STXBP5L: variants seen among roughly 807,000 people sequenced by gnomAD.
The protein encoded by STXBP5L is syntaxin-binding protein 5-like.
In STXBP5L, 65 loss-of-function variants were observed where a neutral mutation model predicts 144.5. The observed-to-expected ratio is 0.45, with a 90% CI of 0.37 to 0.55. The LOEUF (loss-of-function observed/expected upper bound fraction) is 0.55. Ranked by LOEUF, STXBP5L falls within the 20% of genes least tolerant of loss-of-function variation. STXBP5L has a pLI of 0.00. For synonymous variants in STXBP5L, 505 were observed against 469.6 expected (o/e 1.08, Z -0.97); for missense variants, 1,298 against 1,405.5 (o/e 0.92, Z 1.22).
intron 3 of STXBP5L, among the ~76,000 whole-genome samples, chr3:121,018,987 C>G (rs910303840): frequency 1.3e-5 from 2 of 152,184 alleles, no homozygotes; most frequent in Non-Finnish European, 2.9e-5. Flanking sequence ...ATTCTCAGCC[C>G]TGCTCACCGG....
intron 9 of STXBP5L, among the ~76,000 whole-genome samples, chr3:121,177,975 A>C (rs1008565473): frequency 1.3e-5 from 2 of 152,228 alleles, no homozygotes; most frequent in African/African-American, 4.8e-5. Context: ...AACATGCTAC[A>C]ACATGGATGA....
At chr3:121,148,180 G>A (rs1458599362) in intron 7 of STXBP5L, among the ~76,000 whole-genome samples, 1 of 151,990 alleles carries the variant, frequency 6.6e-6, no homozygotes, top group Non-Finnish European at 1.5e-5. Flanking sequence ...GAAATTAAAA[G>A]AATAGAAAAC....
rs144809614 is a variant in STXBP5L, at chr3:120,919,155, G to A, written c.189+9388G>A. On this transcript the variant is annotated intron_variant, in intron 2 of 26. Transcript: ENST00000471454. Reference sequence around the variant, plus strand: ...AATAAAAGTGAGGTGGATTCTCAACGTTACTGATTTTTACCCATGAAATAA... The same window carrying A: ...AATAAAAGTGAGGTGGATTCTCAACATTACTGATTTTTACCCATGAAATAA... 1.1e-3 allele frequency among the ~76,000 whole-genome samples: 174 copies of A among 152,146 alleles called. 3 individuals are homozygous for A. In the East Asian group the frequency reaches 0.025, roughly 22 times the overall value.
intron 1 of STXBP5L, among the ~76,000 whole-genome samples, chr3:120,908,786 C>T (rs1303058321): frequency 3.6e-5 from 5 of 138,370 alleles, no homozygotes; most frequent in Non-Finnish European, 7.8e-5. Flanking sequence ...AGCGCGGCGG[C>T]GGCTGCGGGC....
rs781415784 is a variant in STXBP5L, at chr3:120,909,764, C to T, written c.186C>T (p.Cys62=). Reference sequence around the variant, plus strand: ...TGACTTCGGAGTATTTCCAGATTTGCAAGGTAAGTTTTGAATTGGCTTAAA... The same window carrying T: ...TGACTTCGGAGTATTTCCAGATTTGTAAGGTAAGTTTTGAATTGGCTTAAA... The part of the protein sequence containing the change: ...ETLTSEYFQI[C]KTVRHGFPHQ... The change falls in exon 2 of 27, where the codon TGC becomes TGT. Residue 62 remains cysteine (C), a synonymous_variant. Transcript: ENST00000471454. The T allele has an allele frequency of 6.2e-7, 1 of 1,611,184 alleles. No homozygotes were observed. The highest frequency in any genetic ancestry group is 2.2e-5 in the East Asian group (1 of 44,828).
At chr3:121,067,200 G>A (rs1217027664) in intron 5 of STXBP5L, among the ~76,000 whole-genome samples, 1 of 151,464 alleles carries the variant, frequency 6.6e-6, no homozygotes, top group Non-Finnish European at 1.5e-5. Flanking sequence ...TTGGTTTACT[G>A]TCTTTTAACT....
At chr3:120,964,394 T>C (rs1939288678) in intron 3 of STXBP5L, among the ~76,000 whole-genome samples, 1 of 152,224 alleles carries the variant, frequency 6.6e-6, no homozygotes, top group South Asian at 2.1e-4. Context: ...CTTTCCTTCC[T>C]TCTCTTGTGG....
chr3:121,384,620 TA>T (rs1266271995), intron 22 of STXBP5L, among the ~76,000 whole-genome samples: 17 of 152,014 alleles, frequency 1.1e-4, no homozygotes, highest in Middle Eastern at 3.4e-3. Context: ...GATGGAAAAA[TA>T]GGCAGGGAAT....
intron 19 of STXBP5L, among the ~76,000 whole-genome samples, chr3:121,287,616 G>A (rs2051276215): frequency 6.6e-6 from 1 of 151,986 alleles, no homozygotes; most frequent in African/African-American, 2.4e-5. Context: ...GGATCACGAG[G>A]TCAGGGGTTC....
chr3:121,039,745 C>T (rs992085274), intron 3 of STXBP5L, among the ~76,000 whole-genome samples: 11 of 151,786 alleles, frequency 7.2e-5, no homozygotes, highest in Non-Finnish European at 2.9e-5. Context: ...TCTCTCCCTC[C>T]TCTTTCTCTT....
intron 20 of STXBP5L, among the ~76,000 whole-genome samples, chr3:121,340,761 G>C (rs2044680118): frequency 1.3e-5 from 2 of 152,104 alleles, no homozygotes; most frequent in Middle Eastern, 3.4e-3. Context: ...ACATTAAGTA[G>C]AAAGACCCAG....
intron 5 of STXBP5L, among the ~76,000 whole-genome samples, chr3:121,094,805 A>T (rs1268877208): frequency 1.3e-5 from 2 of 150,604 alleles, no homozygotes; most frequent in African/African-American, 2.4e-5. Context: ...GTGAATTTGA[A>T]CCTTTCATTA....
chr3:121,384,527 G>T (rs2046384494), intron 22 of STXBP5L, among the ~76,000 whole-genome samples: 1 of 152,056 alleles, frequency 6.6e-6, no homozygotes, highest in African/African-American at 2.4e-5. Flanking sequence ...AAAGACTAAA[G>T]TCAGTACAGT....
chr3:121,415,796 T>C, intron 24 of STXBP5L, 61 bp from the exon 25 acceptor site: 1 of 1,190,264 alleles, frequency 8.4e-7, no homozygotes, highest in Non-Finnish European at 1.2e-6. Flanking sequence ...CAGTGTTACC[T>C]TTTTGTATAT....
At chr3:121,199,233 C>T (rs2108205368) in intron 9 of STXBP5L, among the ~76,000 whole-genome samples, 1 of 152,188 alleles carries the variant, frequency 6.6e-6, no homozygotes, top group East Asian at 1.9e-4. Context: ...ATTTTATTCT[C>T]TTTGTAGCAA....
chr3:121,352,759 T>C (rs972247080), intron 20 of STXBP5L, among the ~76,000 whole-genome samples: 9 of 151,790 alleles, frequency 5.9e-5, no homozygotes, highest in Non-Finnish European at 1.0e-4. Flanking sequence ...TGTCTTGTGC[T>C]GGTTTTCAAA....
At chr3:121,216,308 G>A (rs893338659) in intron 10 of STXBP5L, among the ~76,000 whole-genome samples, 4 of 152,080 alleles carry the variant, frequency 2.6e-5, no homozygotes, top group African/African-American at 4.8e-5. Context: ...ATACTTTTTT[G>A]TCTCATCTTC....
intron 9 of STXBP5L, chr3:121,158,615 C>G (rs918078028): frequency 1.3e-5 from 2 of 152,070 alleles, no homozygotes; most frequent in African/African-American, 2.4e-5. Flanking sequence ...CTTAGAGATG[C>G]TTTATTTAGA....
At chr3:121,329,733 C>G (rs146345773) in intron 20 of STXBP5L, among the ~76,000 whole-genome samples, 1 of 151,874 alleles carries the variant, frequency 6.6e-6, no homozygotes, top group Non-Finnish European at 1.5e-5. Flanking sequence ...TGGTGGCAGG[C>G]GCCTATAATC....
Sources: allele counts gnomAD v4.1 joint callset (sites outside exome capture counted in the v4.1 genomes callset), GRCh38; gene constraint gnomAD v4.1.1; transcripts MANE v1.5; gene names NCBI Gene and HGNC (gene_info 2026-07-23, HGNC 2026-07-21).